PTGIR: variants seen among roughly 807,000 people sequenced by gnomAD.
The protein encoded by PTGIR is prostaglandin I2 receptor.
PTGIR carries 16 observed loss-of-function variants against 17.6 expected under a neutral mutation model. That is an observed-to-expected ratio of 0.91 (90% CI 0.61 to 1.38). The LOEUF (loss-of-function observed/expected upper bound fraction) is 1.38. Among genes scored for constraint, PTGIR ranks in the 40% most tolerant of loss-of-function variants. The probability of loss-of-function intolerance (pLI) is 0.00; values close to 1 mark genes in which losing one functional copy is unlikely to be tolerated. For synonymous variants in PTGIR, 274 were observed against 255.4 expected, an observed-to-expected ratio of 1.07 and a Z score of -0.69; for missense variants, 532 against 548.6, an observed-to-expected ratio of 0.97 and a Z score of 0.30.
At chr19:46,617,844 CTTT>C (rs61603656), downstream of PTGIR, among the ~76,000 whole-genome samples, 3 of 138,552 alleles carry the variant, frequency 2.2e-5, no homozygotes, top group Non-Finnish European at 4.7e-5. Flanking sequence ...TTAACAAGGG[CTTT>C]TTTTTTTTTT....
Position 46,624,097 on chromosome 19 carries a change from C to T in PTGIR, c.129G>A (p.Pro43=), listed in dbSNP as rs1470651183. ...LALGILSARR[P]ARPSAFAVLV... is the part of the protein sequence containing the mutation. ...GCACCGCGAAGGCCGAGGGGCGCGC[C>T]GGTCGCCGTGCGCTCAGGATGCCCA... Residue 43 remains proline (P), a synonymous_variant, in exon 2 of 3, where the codon CCG becomes CCA. Transcript: ENST00000291294. The T allele has an allele frequency of 6.5e-7, 1 of 1,539,716 alleles. No individual in the cohort carries two copies. The highest frequency in any genetic ancestry group is 8.7e-7 in the Non-Finnish European group (1 of 1,148,650).
chr19:46,619,130 C>T (rs1264263393), downstream of PTGIR, among the ~76,000 whole-genome samples: 4 of 152,116 alleles, frequency 2.6e-5, no homozygotes. Flanking sequence ...GCTCCAAGCC[C>T]ACGCCCACTC....
At position 46,621,139 on chromosome 19, in the gene PTGIR, TG is replaced by T; in HGVS notation, c.*140del. ...TTCCCAGAGCCAGCAGCGACTGCCC[TG>T]CCGCAGGAGAAACAGCAGCTGATCG... On this transcript the variant is annotated 3_prime_UTR_variant, in exon 3 of 3. Transcript: ENST00000291294. The surrounding 1 kb of genome is among the most constrained non-coding windows in gnomAD (Gnocchi z 4.8). 2.9e-6 allele frequency: 4 copies of T among 1,369,720 alleles called. No homozygotes were observed. The South Asian group carries it at 9.4e-5, about 32-fold the overall frequency. The allele number at this position is 1,369,720 out of a possible 1,614,324, so 84.8% of individuals were successfully genotyped here.
chr19:46,615,797 C>T (rs945692277), downstream of PTGIR, among the ~76,000 whole-genome samples: 4 of 151,116 alleles, frequency 2.6e-5, no homozygotes, highest in Admixed American at 2.0e-4. Flanking sequence ...TGAGCCCCCA[C>T]GCCCAGCCAA....
chr19:46,621,295 G>A lies in PTGIR; in HGVS notation c.1146C>T (p.Ala382=), dbSNP rs2052723434. The A allele has an allele frequency of 6.6e-7, 1 of 1,513,624 alleles. No individual in the cohort carries two copies. Among genetic ancestry groups the A allele is most frequent in the Admixed American group, 2.2e-5 (1 of 44,560 alleles). The allele number at this position is 1,513,624 out of a possible 1,614,324, so 93.8% of individuals were successfully genotyped here. ...GCTTGAAATGTCAGCAGAGGGAGCA[G>A]GCGACGCTGGCTTCTGCTTTGGACG... ...GTSSKAEASV[A]CSLC The change falls in exon 3 of 3, where the codon GCC becomes GCT. Residue 382 remains alanine (A), a synonymous_variant. Transcript: ENST00000291294. The surrounding 1 kb of genome is among the most constrained non-coding windows in gnomAD (Gnocchi z 4.8).
chr19:46,619,672 AAG>A (rs1226556865), downstream of PTGIR, among the ~76,000 whole-genome samples: 97 of 148,784 alleles, frequency 6.5e-4, no homozygotes, highest in African/African-American at 2.2e-3. Context: ...GAAAGAAAGA[AAG>A]AGGATTTATA....
At position 46,620,900 on chromosome 19, in the gene PTGIR, G is replaced by T; in HGVS notation, c.*380C>A. The T allele has an allele frequency of 1.0e-6, 1 of 998,460 alleles. No homozygotes were observed. Among genetic ancestry groups the T allele is most frequent in the Non-Finnish European group, 1.2e-6 (1 of 838,808 alleles). The allele number at this position is 998,460 out of a possible 1,614,324, so 61.9% of individuals were successfully genotyped here. ...CTGGGGACTTGGGGTGGGCAGTTGG[G>T]CCTCCTAAGTGGACGCAGATTGGAG... On this transcript the variant is annotated 3_prime_UTR_variant, in exon 3 of 3. Transcript: ENST00000291294.
At position 46,623,929 on chromosome 19, in the gene PTGIR, C is replaced by G. The variant is rs1288694714; in HGVS notation, c.297G>C (p.Met99Ile). Residue 99 changes from methionine (M) to isoleucine (I), a missense_variant, in exon 2 of 3, where the codon ATG (methionine) becomes ATC (isoleucine). Met to Ile is a conservative substitution (Grantham distance 10). Transcript: ENST00000291294. ...GCATGGACGCCAGGCCGAAGAAGGT[C>G]ATGGCGAAGGCGAAGGCATCGCACA... ...PALCDAFAFA[M>I]TFFGLASMLI... is the part of the protein sequence containing the mutation. The G allele has an allele frequency of 6.2e-7, 1 of 1,602,140 alleles. No homozygotes were observed. The highest frequency in any genetic ancestry group is 8.5e-7 in the Non-Finnish European group (1 of 1,173,898).
At chr19:46,619,612 A>T (rs144839873), downstream of PTGIR, among the ~76,000 whole-genome samples, 209 of 91,722 alleles carry the variant, frequency 2.3e-3, no homozygotes, top group Middle Eastern at 0.02. Flanking sequence ...AAGGAAAGAA[A>T]GAAAGAAAGA....
downstream of PTGIR, among the ~76,000 whole-genome samples, chr19:46,615,896 G>A (rs868854186): frequency 4.0e-5 from 6 of 151,426 alleles, no homozygotes; most frequent in South Asian, 4.2e-4. Flanking sequence ...CAACCTCCCG[G>A]ACCCAAGCAA....
At chr19:46,619,650 AAAGAAAAG>A (rs756683556), downstream of PTGIR, among the ~76,000 whole-genome samples, 1,727 of 135,050 alleles carry the variant, frequency 0.013, 24 homozygotes, top group Non-Finnish European at 0.016. Flanking sequence ...AGAAAGAAAG[AAAGAAAAG>A]AAAGAAAGAA....
chr19:46,615,436 C>CTA, the PTGIR span, among the ~76,000 whole-genome samples: 1 of 152,164 alleles, frequency 6.6e-6, no homozygotes, highest in East Asian at 1.9e-4. Context: ...GGATGACTGT[C>CTA]TATATTTTCA....
At chr19:46,615,303 G>A in the PTGIR span, among the ~76,000 whole-genome samples, 2 of 152,198 alleles carry the variant, frequency 1.3e-5, no homozygotes, top group African/African-American at 4.8e-5. Context: ...ATGAGTTAAG[G>A]TATAAAGGAG....
At chr19:46,614,423 G>T in the PTGIR span, 1 of 985,268 alleles carries the variant, frequency 1.0e-6, no homozygotes, top group Non-Finnish European at 1.2e-6. Context: ...GTGCTAGGGA[G>T]ATGGGAATGA....
rs76887099 is a variant in PTGIR, at chr19:46,624,121, C to G, written c.105G>C (p.Leu35=). 7.2e-6 allele frequency: 11 copies of G among 1,538,414 alleles called. No homozygotes were observed. The South Asian group carries it at 1.2e-4, about 17-fold the overall frequency. ...VAGVVGNGLA[L]GILSARRPAR... Reference sequence around the variant, plus strand: ...CCGGTCGCCGTGCGCTCAGGATGCCCAGGGCCAGCCCGTTGCCCACCACAC... The same window carrying G: ...CCGGTCGCCGTGCGCTCAGGATGCCGAGGGCCAGCCCGTTGCCCACCACAC... Residue 35 remains leucine (L), a synonymous_variant, in exon 2 of 3, where the codon CTG becomes CTC. Transcript: ENST00000291294.
the PTGIR span, among the ~76,000 whole-genome samples, chr19:46,613,923 C>A: frequency 6.6e-6 from 1 of 152,216 alleles, no homozygotes; most frequent in Non-Finnish European, 1.5e-5. Flanking sequence ...TAAGTAGTTT[C>A]CCCCTTGGGC....
At chr19:46,615,243 ATTAT>A in the PTGIR span, among the ~76,000 whole-genome samples, 2 of 152,272 alleles carry the variant, frequency 1.3e-5, no homozygotes, top group Non-Finnish European at 2.9e-5. Flanking sequence ...ATACAGTATA[ATTAT>A]TTACATAGCA....
chr19:46,621,621 C>G lies in PTGIR; in HGVS notation c.820G>C (p.Asp274His), dbSNP rs201057027. Residue 274 changes from aspartate (D) to histidine (H), a missense_variant, in exon 3 of 3, where the codon GAC (aspartate) becomes CAC (histidine). By Grantham distance (81) the Asp-to-His change is moderately conservative (BLOSUM62 -1). Coordinates refer to ENST00000291294, the MANE Select transcript of PTGIR (RefSeq NM_000960.4). The surrounding 1 kb of genome is among the most constrained non-coding windows in gnomAD (Gnocchi z 4.8). ...VAPDSSSEMG[D>H]LLAFRFYAFN... is the part of the protein sequence containing the mutation. ...GCGTAGAAGCGGAAGGCAAGGAGGT[C>G]CCCCATCTCACTGCTGCTGTCAGGG... is the stretch of plus-strand genomic sequence containing the variant. 192 of 1,613,470 alleles carry G rather than the reference C, an allele frequency of 1.2e-4. No homozygotes were observed. The highest frequency in any genetic ancestry group is 7.8e-4 in the Admixed American group (47 of 60,024).
At chr19:46,615,522 T>C (rs1250708249), downstream of PTGIR, among the ~76,000 whole-genome samples, 2 of 152,158 alleles carry the variant, frequency 1.3e-5, no homozygotes, top group African/African-American at 4.8e-5. Flanking sequence ...ACATTTCTTT[T>C]TGAGACGGAG....
Sources: allele counts gnomAD v4.1 joint callset (sites outside exome capture counted in the v4.1 genomes callset), GRCh38; gene constraint gnomAD v4.1.1; non-coding constraint Gnocchi (gnomAD v3.1); transcripts MANE v1.5; gene names NCBI Gene and HGNC (gene_info 2026-07-23, HGNC 2026-07-21).